Variants in MSH3 observed in about 807,000 individuals in gnomAD.
MSH3 encodes DNA mismatch repair protein Msh3.
In MSH3, 106 loss-of-function variants were observed where a neutral mutation model predicts 123.3. That is an observed-to-expected ratio of 0.86 (90% CI 0.73 to 1.01). The LOEUF (loss-of-function observed/expected upper bound fraction) is 1.01, where lower values mean the gene tolerates loss of function less well. MSH3 is among the 50% of genes least tolerant of loss of function. MSH3 has a pLI of 0.00. For missense variants in MSH3, 1,459 were observed against 1,347.6 expected (o/e 1.08, Z -1.29); for synonymous variants, 515 against 481.4 (o/e 1.07, Z -0.91).
intron 18 of MSH3, among the ~76,000 whole-genome samples, chr5:80,789,813 A>G (rs969872658): frequency 1.3e-5 from 2 of 152,242 alleles, no homozygotes; most frequent in African/African-American, 4.8e-5. Context: ...GTTCTGAGTC[A>G]AAGAACTATA....
intron 8 of MSH3, among the ~76,000 whole-genome samples, chr5:80,706,397 CTT>C (rs1015760663): frequency 2.0e-5 from 3 of 152,128 alleles, no homozygotes; most frequent in African/African-American, 7.2e-5. Context: ...TTGAAAATGT[CTT>C]AATGTTGCTA....
intron 8 of MSH3, among the ~76,000 whole-genome samples, chr5:80,722,043 A>T (rs115501029): frequency 0.02 from 2,984 of 152,322 alleles, 40 homozygotes; most frequent in Non-Finnish European, 0.031. Flanking sequence ...GAAGAAAAAA[A>T]ATATATAAAC....
At chr5:80,662,714 C>T (rs1291081390) in intron 2 of MSH3, among the ~76,000 whole-genome samples, 1 of 151,848 alleles carries the variant, frequency 6.6e-6, no homozygotes, top group Non-Finnish European at 1.5e-5. Flanking sequence ...GTAATCCCAG[C>T]TATTCAGGAG....
intron 8 of MSH3, among the ~76,000 whole-genome samples, chr5:80,693,748 C>T (rs1342046248): frequency 6.6e-6 from 1 of 152,094 alleles, no homozygotes; most frequent in African/African-American, 2.4e-5. Context: ...ACCTCCATCT[C>T]CTGGGTTCAA....
intron 12 of MSH3, among the ~76,000 whole-genome samples, chr5:80,748,723 CACACACA>C (rs1743771023): frequency 1.4e-5 from 2 of 139,020 alleles, no homozygotes; most frequent in African/African-American, 5.4e-5. Flanking sequence ...CACACACACA[CACACACA>C]CACCCATATG....
At chr5:80,770,585 A>G (rs951648712) in intron 15 of MSH3, among the ~76,000 whole-genome samples, 4 of 152,188 alleles carry the variant, frequency 2.6e-5, no homozygotes, top group African/African-American at 9.7e-5. Flanking sequence ...AAGAAAACCA[A>G]GGTTTGGAGT....
chr5:80,667,147 C>G (rs1021790860), intron 3 of MSH3, among the ~76,000 whole-genome samples: 1 of 151,900 alleles, frequency 6.6e-6, no homozygotes, highest in Non-Finnish European at 1.5e-5. Context: ...TGTTAGCATC[C>G]CATAAGGATA....
At chr5:80,786,048 C>T (rs536664325) in intron 17 of MSH3, among the ~76,000 whole-genome samples, 13 of 151,830 alleles carry the variant, frequency 8.6e-5, no homozygotes, top group Non-Finnish European at 1.6e-4. Context: ...CGCTAGATGA[C>T]GAGTTAGTGG....
chr5:80,707,979 T>C (rs1167930779), intron 8 of MSH3, among the ~76,000 whole-genome samples: 1 of 152,238 alleles, frequency 6.6e-6, no homozygotes, highest in Non-Finnish European at 1.5e-5. Context: ...TTTTGCCCAT[T>C]TTGAGACTTG....
At position 80,741,481 on chromosome 5, in the gene MSH3, C is replaced by T. The variant is rs758191157; in HGVS notation, c.1586C>T (p.Ser529Leu). Residue 529 changes from serine (S) to leucine (L), a missense_variant, in exon 11 of 24, where the codon TCA becomes TTA. Ser to Leu is a moderately radical substitution (Grantham distance 145, BLOSUM62 -2). Coordinates refer to ENST00000265081, the MANE Select transcript of MSH3 (RefSeq NM_002439.5). ...TTTTACAGGAATTTTAAACAGCTATCAAGTAAAATGGAATTTATGACAATT... is the reference window on the plus strand; with the variant it reads ...TTTTACAGGAATTTTAAACAGCTATTAAGTAAAATGGAATTTATGACAATT... The part of the protein sequence containing the change: ...LSKPENFKQL[S>L]SKMEFMTING... The T allele has an allele frequency of 6.3e-7, 1 of 1,593,784 alleles. No individual in the cohort carries two copies. Among genetic ancestry groups the T allele is most frequent in the Admixed American group, 1.7e-5 (1 of 59,964 alleles).
chr5:80,762,740 ATT>A (rs1454022635), intron 13 of MSH3, among the ~76,000 whole-genome samples: 139 of 145,660 alleles, frequency 9.5e-4, no homozygotes, highest in African/African-American at 3.4e-3. Context: ...TTTTTATTTT[ATT>A]TTGTTTTATT....
At position 80,728,842 on chromosome 5, in the gene MSH3, GT is replaced by G. The variant is rs780632399; in HGVS notation, c.1454-5del. The stretch of plus-strand genomic sequence containing the variant: ...TTTTTATAACAAGTTAATATATTCT[GT>G]TTTCTAGGTTCTCAAATTATTTCTG... On this transcript the variant is annotated splice_region_variant and splice_polypyrimidine_tract_variant and intron_variant, in intron 9 of 23. Transcript: ENST00000265081. 3.7e-5 allele frequency: 53 copies of G among 1,434,458 alleles called. No individual in the cohort carries two copies. The highest frequency in any genetic ancestry group is 5.0e-5 in the Non-Finnish European group (51 of 1,018,252). The allele number at this position is 1,434,458 out of a possible 1,614,324, so 88.9% of individuals were successfully genotyped here.
intron 11 of MSH3, among the ~76,000 whole-genome samples, chr5:80,741,924 T>G (rs1161609776): frequency 2.1e-5 from 1 of 46,996 alleles, no homozygotes; most frequent in Non-Finnish European, 4.0e-5. Context: ...TTTGCAGTCT[T>G]ATTTAATTAT....
At chr5:80,842,171 C>T (rs1745638518) in intron 20 of MSH3, among the ~76,000 whole-genome samples, 1 of 152,140 alleles carries the variant, frequency 6.6e-6, no homozygotes, top group African/African-American at 2.4e-5. Context: ...GAATCCTTTC[C>T]CCATTGCTTG....
intron 19 of MSH3, among the ~76,000 whole-genome samples, chr5:80,794,657 G>A (rs1384099531): frequency 2.6e-5 from 4 of 152,178 alleles, no homozygotes; most frequent in Non-Finnish European, 5.9e-5. Flanking sequence ...GGTAGCAGAA[G>A]GGAGAAGGTC....
chr5:80,730,438 T>C (rs1743390125), intron 10 of MSH3, among the ~76,000 whole-genome samples: 1 of 152,002 alleles, frequency 6.6e-6, no homozygotes, highest in Non-Finnish European at 1.5e-5. Flanking sequence ...GTAGTAAAGG[T>C]TGGGGATGGA....
chr5:80,708,448 AT>A (rs1700618371), intron 8 of MSH3, among the ~76,000 whole-genome samples: 1 of 150,678 alleles, frequency 6.6e-6, no homozygotes, highest in Non-Finnish European at 1.5e-5. Flanking sequence ...TTTGTTTTTA[AT>A]TAATATTTAT....
rs909411714 is a variant in MSH3 at position 80,684,424 on chromosome 5, T to C, written c.1340+5331T>C. On this transcript the variant is annotated intron_variant, in intron 8 of 23. Transcript: ENST00000265081. ...TGGTTAACTCCTAGATATTTTATTT[T>C]ATTTGTAGCTATTGTAAATGGGATT... Among the ~76,000 whole-genome samples, 5 of 152,212 alleles carry C rather than the reference T, an allele frequency of 3.3e-5. No homozygotes were observed. The South Asian group carries it at 6.2e-4, about 19-fold the overall frequency.
chr5:80,748,345 AT>A (rs1312372916), intron 12 of MSH3, among the ~76,000 whole-genome samples: 1 of 152,146 alleles, frequency 6.6e-6, no homozygotes, highest in Non-Finnish European at 1.5e-5. Context: ...TTGGTGCAAA[AT>A]TTTAATAGTG....
Sources: gnomAD v4.1 joint callset for allele counts (sites outside exome capture counted in the v4.1 genomes callset) on GRCh38, gnomAD v4.1.1 for gene constraint, MANE v1.5 for transcripts, NCBI Gene and HGNC (gene_info 2026-07-23, HGNC 2026-07-21) for gene names.